The following RGS5 variants were observed in gnomAD, a reference collection of about 807,000 sequenced individuals.
The protein encoded by RGS5 is regulator of G-protein signalling 5.
Under a neutral mutation model 18.9 loss-of-function variants are expected in RGS5, and 20 were observed. That is an observed-to-expected ratio of 1.06 (90% CI 0.74 to 1.54). RGS5 has a LOEUF of 1.54. Among genes scored for constraint, RGS5 ranks in the 40% most tolerant of loss-of-function variants. The pLI, the probability that RGS5 is intolerant of heterozygous loss-of-function variation, is 0.00. For missense variants in RGS5, 201 were observed against 211.8 expected (o/e 0.95, Z 0.32); for synonymous variants, 57 against 76.2 (o/e 0.75, Z 1.31).
chr1:163,258,678 AT>A (rs1230764025), intron 2 of RGS5, among the ~76,000 whole-genome samples: 2 of 147,198 alleles, frequency 1.4e-5, no homozygotes, highest in African/African-American at 5.0e-5. Flanking sequence ...TGTGTGTACA[AT>A]TTTTTTTTGA....
rs372169706 is a variant in RGS5, at chr1:163,149,590, T to C, written c.385-2087A>G. On this transcript the variant is annotated intron_variant, in intron 4 of 4. Transcript: ENST00000313961. ...TATCTGTTTAGTTATCCAGAAACAA[T>C]ATCATTTCATTAATTTCAAATATGG... Among the ~76,000 whole-genome samples the C allele has an allele frequency of 7.9e-5, 12 of 152,322 alleles. No individual in the cohort carries two copies. The East Asian group carries it at 9.6e-4, about 12-fold the overall frequency.
intron 1 of RGS5, among the ~76,000 whole-genome samples, chr1:163,176,505 C>A (rs1658564560): frequency 6.6e-6 from 1 of 151,990 alleles, no homozygotes; most frequent in African/African-American, 2.4e-5. Flanking sequence ...CCTGCAATCC[C>A]AGCTACTCCA....
chr1:163,308,252 C>G (rs1179424448), intron 1 of RGS5, among the ~76,000 whole-genome samples: 2 of 152,130 alleles, frequency 1.3e-5, no homozygotes, highest in Non-Finnish European at 2.9e-5. Context: ...ACCATAGAAA[C>G]TGTGCCATTC....
At chr1:163,307,796 T>G (rs944667295) in intron 1 of RGS5, among the ~76,000 whole-genome samples, 1 of 152,196 alleles carries the variant, frequency 6.6e-6, no homozygotes, top group African/African-American at 2.4e-5. Context: ...ACCTTCATTG[T>G]AACACTACTT....
chr1:163,179,157 AACTAAACT>A (rs1446994777), intron 1 of RGS5, among the ~76,000 whole-genome samples: 1 of 152,170 alleles, frequency 6.6e-6, no homozygotes, highest in African/African-American at 2.4e-5. Flanking sequence ...TTAATACCAA[AACTAAACT>A]CTTGTTTTCT....
At chr1:163,270,606 T>C (rs748339585) in intron 2 of RGS5, among the ~76,000 whole-genome samples, 23 of 152,096 alleles carry the variant, frequency 1.5e-4, no homozygotes, top group Admixed American at 3.9e-4. Context: ...GAAAATGAAT[T>C]TACCTGTTGA....
At position 163,283,221 on chromosome 1, in the gene RGS5, C is replaced by T. The variant is rs142746241; in HGVS notation, c.-281+23012G>A. Among the ~76,000 whole-genome samples the T allele has an allele frequency of 5.5e-4, 83 of 152,254 alleles. No individual in the cohort carries two copies. In the East Asian group the frequency reaches 0.016, roughly 29 times the overall value. ...GAATAAGTTTTAGTGTTCTGTAACACTGCAGGGAGAATATGATTAACTATA... is the reference window on the plus strand; with the variant it reads ...GAATAAGTTTTAGTGTTCTGTAACATTGCAGGGAGAATATGATTAACTATA... On this transcript the variant is annotated intron_variant, in intron 2 of 5. Transcript: ENST00000618415.
At chr1:163,319,253 A>C (rs905860022) in intron 1 of RGS5, 10 of 152,280 alleles carry the variant, frequency 6.6e-5, no homozygotes, top group African/African-American at 2.2e-4. Context: ...AGGTCCACTC[A>C]GTCCTGATAG....
chr1:163,260,445 T>G (rs961352), intron 2 of RGS5: 1 of 152,112 alleles, frequency 6.6e-6, no homozygotes, highest in Non-Finnish European at 1.5e-5. Context: ...GATTCAAAAT[T>G]AGCGCACACT....
In RGS5 at chr1:163,147,325, A is replaced by C. The variant is rs773133865; in HGVS notation, c.*17T>G. On this transcript the variant is annotated 3_prime_UTR_variant, in exon 5 of 5. Coordinates refer to ENST00000313961, the MANE Select transcript of RGS5 (RefSeq NM_003617.4). ...AGGAAATAACTCACAGGATGATTTC[A>C]TAGCCTGGCTAAATTACTACTTGAT... The C allele has an allele frequency of 2.3e-5, 36 of 1,571,926 alleles. No individual in the cohort carries two copies. Among genetic ancestry groups the C allele is most frequent in the Non-Finnish European group, 2.9e-5 (34 of 1,162,134 alleles).
chr1:163,276,470 C>A (rs146618394), intron 2 of RGS5, among the ~76,000 whole-genome samples: 2,644 of 152,218 alleles, frequency 0.017, 84 homozygotes, highest in African/African-American at 0.06. Context: ...ACGATGCTTA[C>A]GTTCGTATAT....
intron 1 of RGS5, among the ~76,000 whole-genome samples, chr1:163,311,250 T>A (rs1444410419): frequency 6.6e-6 from 1 of 152,200 alleles, no homozygotes; most frequent in African/African-American, 2.4e-5. Flanking sequence ...TGCTCTGGAT[T>A]AGGCTTTGGT....
chr1:163,247,351 G>C lies in RGS5; in HGVS notation c.-281+58882C>G, dbSNP rs78169459. 6.5e-3 allele frequency among the ~76,000 whole-genome samples: 983 copies of C among 152,230 alleles called. 11 individuals are homozygous for C. Among genetic ancestry groups the C allele is most frequent in the African/African-American group, 0.023 (941 of 41,558 alleles). ...AGCTTTCAAGGTTTTTCTCAGCACG[G>C]AGATATGGTGCCATTCTTAGGCTGT... On this transcript the variant is annotated intron_variant, in intron 2 of 5. Transcript: ENST00000618415.
rs538210356 is a variant in RGS5 at position 163,303,931 on chromosome 1, C to T, written c.-281+2302G>A. Among the ~76,000 whole-genome samples the T allele has an allele frequency of 1.2e-4, 19 of 152,058 alleles. No homozygotes were observed. In the South Asian group the frequency reaches 3.7e-3, roughly 30 times the overall value. On this transcript the variant is annotated intron_variant, in intron 2 of 5. Coordinates refer to the RGS5 transcript ENST00000618415. ...GAACAGTTTCATCCCAAAACCAATCCCCCCACATATCCAACGCCCTTGACA... is the reference window on the plus strand; with the variant it reads ...GAACAGTTTCATCCCAAAACCAATCTCCCCACATATCCAACGCCCTTGACA...
At chr1:163,234,360 A>C (rs1384651404) in intron 2 of RGS5, among the ~76,000 whole-genome samples, 1 of 152,144 alleles carries the variant, frequency 6.6e-6, no homozygotes, top group East Asian at 1.9e-4. Flanking sequence ...GCACAGTACC[A>C]CTTGGTACTG....
chr1:163,169,312 A>T (rs527731758), intron 1 of RGS5, among the ~76,000 whole-genome samples: 1 of 152,070 alleles, frequency 6.6e-6, no homozygotes, highest in Non-Finnish European at 1.5e-5. Flanking sequence ...GAATAGTGCC[A>T]CAATAAACAT....
intron 2 of RGS5, among the ~76,000 whole-genome samples, chr1:163,250,304 G>C (rs1337762697): frequency 6.6e-6 from 1 of 152,198 alleles, no homozygotes; most frequent in Admixed American, 6.5e-5. Context: ...AAGAAAAAAA[G>C]AGCCAAAGAC....
intron 2 of RGS5, among the ~76,000 whole-genome samples, chr1:163,293,926 C>T (rs1649356928): frequency 3.3e-5 from 5 of 152,200 alleles, no homozygotes; most frequent in Admixed American, 3.3e-4. Flanking sequence ...TCTCCTTTGG[C>T]TCCATGTCTC....
At chr1:163,263,522 G>A (rs1648503936) in intron 2 of RGS5, among the ~76,000 whole-genome samples, 1 of 152,062 alleles carries the variant, frequency 6.6e-6, no homozygotes, top group Non-Finnish European at 1.5e-5. Flanking sequence ...TAGGAAAGGA[G>A]CCCCAACAAC....
Sources: gnomAD v4.1 joint callset for allele counts (sites outside exome capture counted in the v4.1 genomes callset) on GRCh38, gnomAD v4.1.1 for gene constraint, MANE v1.5 for transcripts, NCBI Gene and HGNC (gene_info 2026-07-23, HGNC 2026-07-21) for gene names.